Variants in TUBGCP5 observed in about 807,000 individuals in gnomAD.
TUBGCP5 encodes the protein gamma-tubulin complex component 5.
Under a neutral mutation model 134.7 loss-of-function variants are expected in TUBGCP5, and 98 were observed. The observed-to-expected ratio is 0.73, with a 90% confidence interval of 0.62 to 0.86. TUBGCP5 has a LOEUF of 0.86. Among genes scored for constraint, TUBGCP5 ranks in the 40% least tolerant of loss-of-function variants. TUBGCP5 has a pLI of 0.00. For missense variants in TUBGCP5, 1,150 were observed against 1,244.8 expected (o/e 0.92, Z 1.15); for synonymous variants, 456 against 431.4 (o/e 1.06, Z -0.71).
In TUBGCP5 at chr15:23,000,630, G is replaced by A; in HGVS notation, c.2967C>T (p.Asn989=). 1 of 1,607,586 alleles carries A rather than the reference G, an allele frequency of 6.2e-7. No homozygotes were observed. The highest frequency in any genetic ancestry group is 1.1e-5 in the South Asian group (1 of 90,180). ...AAATGGTTACAAGAAACATATGGCAGTTTTTAAAATCAGATTCCATTTTCT... is the reference window on the plus strand; with the variant it reads ...AAATGGTTACAAGAAACATATGGCAATTTTTAAAATCAGATTCCATTTTCT... ...SIEKMESDFK[N]CHMFLVTILN... The change falls in exon 22 of 23, where the codon AAC becomes AAT. Residue 989 remains asparagine (N), a synonymous_variant. Coordinates refer to ENST00000615383, the MANE Select transcript of TUBGCP5 (RefSeq NM_052903.6).
intron 1 of TUBGCP5, among the ~76,000 whole-genome samples, chr15:23,038,168 T>C (rs1279663815): frequency 6.6e-6 from 1 of 152,206 alleles, no homozygotes; most frequent in Non-Finnish European, 1.5e-5. Context: ...GTACATAGCA[T>C]AGCCTATGCA....
At chr15:23,004,289 A>C (rs1307126434) in intron 19 of TUBGCP5, 62 bp from the exon 20 acceptor site, 2 of 1,574,414 alleles carry the variant, frequency 1.3e-6, no homozygotes, top group East Asian at 4.6e-5. Context: ...TGTGCTGCAC[A>C]CAAATCTTTT....
intron 23 of TUBGCP5, among the ~76,000 whole-genome samples, chr15:22,988,915 G>C (rs1288110222): frequency 1.3e-5 from 2 of 151,692 alleles, no homozygotes; most frequent in African/African-American, 4.8e-5. Flanking sequence ...TGTGTTTTTA[G>C]TACAGACAGG....
chr15:22,993,567 C>T (rs1427981304), intron 23 of TUBGCP5, among the ~76,000 whole-genome samples: 9 of 92,448 alleles, frequency 9.7e-5, no homozygotes, highest in African/African-American at 4.1e-4. Context: ...TAATATGAGA[C>T]GGAGTCTCGC....
chr15:23,034,525 C>G (rs1234929282), intron 3 of TUBGCP5, among the ~76,000 whole-genome samples: 1 of 152,186 alleles, frequency 6.6e-6, no homozygotes, highest in Admixed American at 6.5e-5. Flanking sequence ...ATGAAGAATG[C>G]TTTTGATGGG....
intron 7 of TUBGCP5, 132 bp downstream of exon 7, chr15:23,027,060 A>G (rs2066022558): frequency 1.4e-6 from 1 of 731,582 alleles, no homozygotes; most frequent in Non-Finnish European, 2.2e-6. Flanking sequence ...TCTGTCTCCA[A>G]AAAAAAAAGA....
chr15:23,007,044 C>CTT (rs2064757824), intron 16 of TUBGCP5, among the ~76,000 whole-genome samples: 1 of 152,132 alleles, frequency 6.6e-6, no homozygotes, highest in Non-Finnish European at 1.5e-5. Context: ...GAGTTAACTT[C>CTT]CAAATCAGAG....
intron 11 of TUBGCP5, among the ~76,000 whole-genome samples, chr15:23,021,663 T>C (rs577310011): frequency 2.5e-4 from 38 of 152,322 alleles, no homozygotes; most frequent in African/African-American, 8.9e-4. Flanking sequence ...AGCTATCTCA[T>C]GTCATGTTAG....
At chr15:23,033,491 A>C (rs566506300) in intron 3 of TUBGCP5, among the ~76,000 whole-genome samples, 9 of 152,256 alleles carry the variant, frequency 5.9e-5, no homozygotes, top group Non-Finnish European at 1.0e-4. Context: ...GTTGGCCAGG[A>C]TGGTCTCCAA....
chr15:22,985,950 G>A (rs1265169862), intron 23 of TUBGCP5, among the ~76,000 whole-genome samples: 2 of 151,584 alleles, frequency 1.3e-5, no homozygotes, highest in Admixed American at 6.6e-5. Context: ...TGGCTAACAC[G>A]GTGAAACCTT....
At chr15:22,985,344 G>A (rs1474690475) in intron 23 of TUBGCP5, among the ~76,000 whole-genome samples, 3 of 151,610 alleles carry the variant, frequency 2.0e-5, no homozygotes, top group East Asian at 1.9e-4. Flanking sequence ...TCAGCCTTCC[G>A]AGTAGCTGGG....
chr15:23,005,014 G>C (rs1331515902), intron 19 of TUBGCP5, among the ~76,000 whole-genome samples: 1 of 152,188 alleles, frequency 6.6e-6, no homozygotes, highest in East Asian at 1.9e-4. Context: ...ACTTTGTAGT[G>C]AGTTCTTGTT....
At chr15:23,015,457 C>G (rs992575986) in intron 13 of TUBGCP5, among the ~76,000 whole-genome samples, 1 of 149,088 alleles carries the variant, frequency 6.7e-6, no homozygotes, top group African/African-American at 2.5e-5. Flanking sequence ...GCCTCACCAA[C>G]ATGGTAAAAC....
At chr15:23,025,991 T>G in intron 8 of TUBGCP5, 125 bp downstream of exon 8, 2 of 673,974 alleles carry the variant, frequency 3.0e-6, no homozygotes. Context: ...TGGTCCGAAC[T>G]TCACACCTAA....
At chr15:22,984,487 G>T (rs551579613) in intron 23 of TUBGCP5, among the ~76,000 whole-genome samples, 1 of 152,128 alleles carries the variant, frequency 6.6e-6, no homozygotes, top group South Asian at 2.1e-4. Flanking sequence ...GGGTGTGGTG[G>T]CGAGTGCCTG....
intron 16 of TUBGCP5, chr15:23,008,430 T>G (rs1197486600): frequency 2.4e-6 from 1 of 415,710 alleles, no homozygotes; most frequent in Non-Finnish European, 4.4e-6. Flanking sequence ...CCATGCTTTT[T>G]GTATTTTTAG....
At chr15:22,986,147 A>AAAAAAAT (rs1555430356) in intron 23 of TUBGCP5, among the ~76,000 whole-genome samples, 3 of 132,814 alleles carry the variant, frequency 2.3e-5, no homozygotes, top group Admixed American at 7.5e-5. Context: ...AAAAAAAAAA[A>AAAAAAAT]AATAATAATA....
At chr15:23,036,859 TA>T in intron 3 of TUBGCP5, 37 bp downstream of exon 3, 1 of 1,312,612 alleles carries the variant, frequency 7.6e-7, no homozygotes. Flanking sequence ...TAGGAAACAG[TA>T]AAATACACAG....
chr15:23,025,091 G>A (rs757553946), intron 8 of TUBGCP5, among the ~76,000 whole-genome samples: 12 of 151,968 alleles, frequency 7.9e-5, no homozygotes, highest in Non-Finnish European at 1.5e-4. Context: ...TTGTAGATAC[G>A]GGGTTTCACC....
Sources: allele counts gnomAD v4.1 joint callset (sites outside exome capture counted in the v4.1 genomes callset), GRCh38; gene constraint gnomAD v4.1.1; transcripts MANE v1.5; gene names NCBI Gene and HGNC (gene_info 2026-07-23, HGNC 2026-07-21).